SEPTIN14: variants seen among roughly 807,000 people sequenced by gnomAD.
The protein encoded by SEPTIN14 is septin-14.
In SEPTIN14, 40 loss-of-function variants were observed where a neutral mutation model predicts 53.6. The observed-to-expected ratio is 0.75, with a 90% CI of 0.58 to 0.97. SEPTIN14 has a LOEUF of 0.97. Among genes scored for constraint, SEPTIN14 ranks in the 50% least tolerant of loss-of-function variants. The probability of loss-of-function intolerance (pLI) is 0.00; values close to 1 mark genes in which losing one functional copy is unlikely to be tolerated. For synonymous variants in SEPTIN14, 138 were observed against 166.8 expected, an observed-to-expected ratio of 0.83 and a Z score of 1.33; for missense variants, 471 against 508.2, an observed-to-expected ratio of 0.93 and a Z score of 0.70.
At chr7:55,824,008 A>C (rs1231877573) in intron 6 of SEPTIN14, among the ~76,000 whole-genome samples, 1 of 151,696 alleles carries the variant, frequency 6.6e-6, no homozygotes, top group African/African-American at 2.4e-5. Flanking sequence ...TTATGCCTGC[A>C]CCACCAGGCC....
At chr7:55,830,349 A>ATATTTTTTTTTTTTTTTT (rs71015108) in intron 6 of SEPTIN14, among the ~76,000 whole-genome samples, 2 of 56,848 alleles carry the variant, frequency 3.5e-5, no homozygotes, top group African/African-American at 2.0e-4. Flanking sequence ...ATATATATAT[A>ATATTTTTTTTTTTTTTTT]TTTTTTTTTT....
chr7:55,842,757 A>C (rs928428430), intron 5 of SEPTIN14, among the ~76,000 whole-genome samples, 185 bp downstream of exon 5: 14 of 151,874 alleles, frequency 9.2e-5, no homozygotes, highest in African/African-American at 3.4e-4. Context: ...CTAAAAATAC[A>C]AAAAAATTAG....
At chr7:55,861,053 C>A (rs564101407) in intron 2 of SEPTIN14, among the ~76,000 whole-genome samples, 1 of 152,238 alleles carries the variant, frequency 6.6e-6, no homozygotes, top group African/African-American at 2.4e-5. Flanking sequence ...CTTTTGGGAT[C>A]CCTTCTAATC....
At chr7:55,804,052 C>T (rs191725381) in intron 9 of SEPTIN14, among the ~76,000 whole-genome samples, 2 of 139,582 alleles carry the variant, frequency 1.4e-5, no homozygotes, top group Non-Finnish European at 3.0e-5. Flanking sequence ...AGGAGAATGG[C>T]GTGAACCCAG....
intron 9 of SEPTIN14, among the ~76,000 whole-genome samples, chr7:55,797,484 C>T (rs1485087504): frequency 2.4e-4 from 36 of 152,276 alleles, no homozygotes; most frequent in East Asian, 1.2e-3. Context: ...CTTTGCAAGT[C>T]AGGAGAGAAT....
chr7:55,840,722 C>T (rs1789295298), intron 5 of SEPTIN14, among the ~76,000 whole-genome samples: 1 of 152,100 alleles, frequency 6.6e-6, no homozygotes, highest in Non-Finnish European at 1.5e-5. Flanking sequence ...CACACTGATG[C>T]AAATGCCTCA....
rs776707636 is a variant in SEPTIN14, at chr7:55,795,886, G to C, written c.*27C>G. The C allele has an allele frequency of 6.6e-7, 1 of 1,508,192 alleles. No individual in the cohort carries two copies. Among genetic ancestry groups the C allele is most frequent in the Admixed American group, 1.7e-5 (1 of 59,126 alleles). 93.4% of individuals were successfully genotyped at this position (1,508,192 alleles called of 1,614,324 possible). A position where few individuals can be genotyped will look rare whatever the true frequency, so the allele number is the denominator to read the frequency against. ...CAGGAAGTTGCGATGTAGAATGATA[G>C]GGCTCTCAGAATAGTAAGAGAAACT... On this transcript the variant is annotated 3_prime_UTR_variant, in exon 10 of 10. Coordinates refer to ENST00000388975, the MANE Select transcript of SEPTIN14 (RefSeq NM_207366.3).
chr7:55,844,670 G>A lies in SEPTIN14; in HGVS notation c.224C>T (p.Thr75Ile). The A allele has an allele frequency of 1.2e-6, 2 of 1,609,736 alleles. No homozygotes were observed. Among genetic ancestry groups the A allele is most frequent in the Non-Finnish European group, 8.5e-7 (1 of 1,176,864 alleles). Reference protein sequence around the residue: ...KSTLIDTLFNTNLKDNKSSHF... With the variant: ...KSTLIDTLFNINLKDNKSSHF... ...TGAGGATTTGTTATCTTTCAAGTTA[G>A]TATTAAACAATGTGTCTATCAGTGT... is the stretch of plus-strand genomic sequence containing the variant. Residue 75 changes from threonine to isoleucine, a missense_variant, in exon 4 of 10, where the codon ACT becomes ATT. Thr to Ile is a moderately conservative substitution (Grantham distance 89, BLOSUM62 -1). Coordinates refer to ENST00000388975, the MANE Select transcript of SEPTIN14 (RefSeq NM_207366.3).
At chr7:55,822,888 A>C (rs1282281393) in intron 6 of SEPTIN14, among the ~76,000 whole-genome samples, 1 of 150,644 alleles carries the variant, frequency 6.6e-6, no homozygotes, top group Non-Finnish European at 1.5e-5. Flanking sequence ...CAGATAAGCT[A>C]CAAGTCTGCC....
Position 55,794,480 on chromosome 7 carries a change from C to T in SEPTIN14, c.*1433G>A, listed in dbSNP as rs984072738. On this transcript the variant is annotated 3_prime_UTR_variant, in exon 10 of 10. Coordinates refer to ENST00000388975, the MANE Select transcript of SEPTIN14 (RefSeq NM_207366.3). ...TATTCAATGAATAATTGCTGCTATGCGTCAGACATTTTTCTAGGCCTAGGA... is the reference window on the plus strand; with the variant it reads ...TATTCAATGAATAATTGCTGCTATGTGTCAGACATTTTTCTAGGCCTAGGA... The T allele has an allele frequency of 3.9e-5, 6 of 152,188 alleles. No homozygotes were observed. The South Asian group carries it at 6.2e-4, about 16-fold the overall frequency. The allele number at this position is 152,188 out of a possible 1,614,324, so 9.4% of individuals were successfully genotyped here.
chr7:55,822,022 C>T (rs949900199), intron 6 of SEPTIN14, among the ~76,000 whole-genome samples: 3 of 152,122 alleles, frequency 2.0e-5, no homozygotes, highest in African/African-American at 7.2e-5. Context: ...CCCTGATAAA[C>T]CTGTCAGATC....
At chr7:55,832,023 TA>T (rs1253534905) in intron 6 of SEPTIN14, among the ~76,000 whole-genome samples, 1 of 151,870 alleles carries the variant, frequency 6.6e-6, no homozygotes, top group Non-Finnish European at 1.5e-5. Context: ...CCAATATGGT[TA>T]AACCCCATCT....
intron 9 of SEPTIN14, among the ~76,000 whole-genome samples, chr7:55,803,535 C>T (rs1788557971): frequency 6.6e-6 from 1 of 151,942 alleles, no homozygotes. Context: ...ATAGAATAAC[C>T]ATATGGTTCA....
At position 55,859,814 on chromosome 7, in the gene SEPTIN14, C is replaced by CA. The variant is rs201039446; in HGVS notation, c.54+2128dup. Among the ~76,000 whole-genome samples, 176 of 152,212 alleles carry CA rather than the reference C, an allele frequency of 1.2e-3. 2 individuals are homozygous for CA. In the East Asian group the frequency reaches 0.03, roughly 26 times the overall value. On this transcript the variant is annotated intron_variant, in intron 2 of 9. Transcript: ENST00000388975. Reference sequence around the variant, plus strand: ...TTTATTGAACCTGTATTCACCACAGCAAAAATATGGAATCAACCTAAGTGT... The same window carrying CA: ...TTTATTGAACCTGTATTCACCACAGCAAAAAATATGGAATCAACCTAAGTGT...
chr7:55,833,301 A>G (rs60321642), intron 6 of SEPTIN14, among the ~76,000 whole-genome samples: 40,855 of 150,452 alleles, frequency 0.27, 6,771 homozygotes, highest in East Asian at 0.46. Flanking sequence ...GGCAACAGAG[A>G]GAGACTCCGT....
At chr7:55,810,567 CG>C (rs1459942554) in intron 7 of SEPTIN14, among the ~76,000 whole-genome samples, 1 of 151,102 alleles carries the variant, frequency 6.6e-6, no homozygotes, top group Non-Finnish European at 1.5e-5. Flanking sequence ...CTCTGCCTCC[CG>C]GGTTTAAGCA....
intron 7 of SEPTIN14, among the ~76,000 whole-genome samples, chr7:55,817,208 A>G (rs757854502): frequency 2.0e-5 from 3 of 152,168 alleles, no homozygotes; most frequent in Non-Finnish European, 4.4e-5. Context: ...TTGCAGCAAC[A>G]TGGATGGAAC....
rs1788544805 is a variant in SEPTIN14, at chr7:55,802,856, AG to A, written c.1119+2401del. ...ATATTTGCAAACTGTACATCTGATA[AG>A]GGGTTAATGCCCCAAATATACAAGA... On this transcript the variant is annotated intron_variant, in intron 9 of 9. Transcript: ENST00000388975. Among the ~76,000 whole-genome samples the A allele has an allele frequency of 2.0e-5, 3 of 152,178 alleles. No homozygotes were observed. In the South Asian group the frequency reaches 6.2e-4, roughly 31 times the overall value.
At chr7:55,798,432 T>G (rs2115945700) in intron 9 of SEPTIN14, 1 of 257,068 alleles carries the variant, frequency 3.9e-6, no homozygotes, top group Non-Finnish European at 7.6e-6. Context: ...GAGCCCCTGC[T>G]GGACAGTGAG....
Sources: allele counts gnomAD v4.1 joint callset (sites outside exome capture counted in the v4.1 genomes callset), GRCh38; gene constraint gnomAD v4.1.1; transcripts MANE v1.5; gene names NCBI Gene and HGNC (gene_info 2026-07-23, HGNC 2026-07-21).